Variants in BCOR observed in about 807,000 individuals in gnomAD.
BCOR encodes the protein BCL-6 corepressor.
In BCOR, 10 loss-of-function variants were observed where a neutral mutation model predicts 86.7. That is an observed-to-expected ratio of 0.12 (90% CI 0.07 to 0.20). BCOR has a LOEUF of 0.20. BCOR is among the 10% of genes least tolerant of loss of function. The pLI is 1.00. For missense variants in BCOR, 1,259 were observed against 1,452.1 expected (o/e 0.87, Z 2.16); for synonymous variants, 611 against 609.0 (o/e 1.00, Z -0.05).
intron 14 of BCOR, among the ~76,000 whole-genome samples, chrX:40,053,204 G>A (rs1033099821): frequency 1.8e-5 from 2 of 112,092 alleles, no homozygotes; most frequent in Non-Finnish European, 3.8e-5. Flanking sequence ...TTTTGAGAAG[G>A]AAGGTGTTAC....
chrX:40,159,181 G>A (rs1259097178), intron 1 of BCOR, among the ~76,000 whole-genome samples: 1 of 112,267 alleles, frequency 8.9e-6, no homozygotes, highest in South Asian at 3.7e-4. Context: ...GAAAAATGAT[G>A]AAAGTTTATT....
intron 1 of BCOR, among the ~76,000 whole-genome samples, chrX:40,168,187 C>T (rs1193783930): frequency 8.8e-6 from 1 of 113,323 alleles, no homozygotes; most frequent in Non-Finnish European, 1.9e-5. Flanking sequence ...AGAGCTCCTC[C>T]AGACCCTTTC....
Position 40,073,545 on chromosome X carries a change from G to A in BCOR, c.1801C>T (p.Pro601Ser), listed in dbSNP as rs1379881009. ...TPSVIQHVGQPPATPAKHSSS... is the reference protein window; with the variant it reads ...TPSVIQHVGQSPATPAKHSSS... The stretch of plus-strand genomic sequence containing the variant: ...CTGTGCTTGGCAGGAGTGGCCGGGG[G>A]CTGGCCCACGTGCTGAATAACGGAT... The change falls in exon 4 of 15, where the codon CCC (proline) becomes TCC (serine). Residue 601 changes from proline to serine, a missense_variant. Physicochemically the swap from Pro to Ser is moderately conservative, Grantham distance 74. Transcript: ENST00000378444. 8.2e-7 allele frequency: 1 copy of A among 1,212,230 alleles called. No homozygotes were observed. The highest frequency in any genetic ancestry group is 3.0e-5 in the East Asian group (1 of 33,869).
chrX:40,139,468 T>TAATATATATAC lies in BCOR; in HGVS notation c.-41+37538_-41+37539insGTATATATATT, dbSNP rs1937832589. Among the ~76,000 whole-genome samples, 2 of 6,863 alleles carry TAATATATATAC rather than the reference T, an allele frequency of 2.9e-4. 1 individual carries two copies. The highest frequency in any genetic ancestry group is 0.014 in the South Asian group (2 of 148). 6.0% of individuals were successfully genotyped at this position (6,863 alleles called of 115,157 possible). A position where few individuals can be genotyped will look rare whatever the true frequency, so the allele number is the denominator to read the frequency against. On this transcript the variant is annotated intron_variant, in intron 1 of 14. Transcript: ENST00000342274. ...TATAATATATATACATATATATATA[T>TAATATATATAC]ATATATATATATATATATATATATA...
chrX:40,074,780 A>T lies in BCOR; in HGVS notation c.566T>A (p.Leu189Gln). ...LNINGASYLR[L>Q]PWVNPYMEGA... ...CTCCATGTAAGGATTGACCCAGGGC[A>T]GCCGCAGATAACTAGCACCATTGAT... Residue 189 changes from leucine (L) to glutamine (Q), a missense_variant, in exon 4 of 15, where the codon CTG becomes CAG. Leu to Gln is a moderately radical substitution (Grantham distance 113, BLOSUM62 -2). This residue lies in a region of BCOR where 174 missense variants were observed against 189.3 expected (regional missense o/e 0.92). Coordinates refer to ENST00000378444, the MANE Select transcript of BCOR (RefSeq NM_001123385.2). 1 of 1,211,979 alleles carries T rather than the reference A, an allele frequency of 8.3e-7. No individual in the cohort carries two copies. Among genetic ancestry groups the T allele is most frequent in the Non-Finnish European group, 1.1e-6 (1 of 895,569 alleles).
At chrX:40,146,393 G>A (rs1452467026) in intron 1 of BCOR, 2 of 111,579 alleles carry the variant, frequency 1.8e-5, no homozygotes, top group Non-Finnish European at 3.8e-5. Context: ...AGCGGGCGGG[G>A]GACAGTGTCC....
intron 8 of BCOR, 72 bp from the exon 9 acceptor site, chrX:40,063,143 T>A: frequency 1.2e-6 from 1 of 818,848 alleles, no homozygotes; most frequent in Non-Finnish European, 1.7e-6. Context: ...TACACAGTTG[T>A]AGCCAGTGCA....
intron 1 of BCOR, among the ~76,000 whole-genome samples, chrX:40,080,958 T>TGCACGCACGCACAC (rs1200910109): frequency 1.3e-5 from 1 of 79,605 alleles, no homozygotes; most frequent in Non-Finnish European, 2.4e-5. Context: ...CGCACACACG[T>TGCACGCACGCACAC]GCACGCACGC....
chrX:40,174,288 G>C (rs1302532812), intron 1 of BCOR, among the ~76,000 whole-genome samples: 1 of 112,049 alleles, frequency 8.9e-6, no homozygotes, highest in Non-Finnish European at 1.9e-5. Context: ...GGCGCCTCCA[G>C]GTTTGCTTCT....
rs1335218784 is a variant in BCOR at position 40,054,155 on chromosome X, G to A, written c.4819+101C>T. 3.7e-6 allele frequency: 4 copies of A among 1,087,654 alleles called. No individual in the cohort carries two copies. The African/African-American group carries it at 7.3e-5, about 20-fold the overall frequency. 89.6% of individuals were successfully genotyped at this position (1,087,654 alleles called of 1,213,427 possible). A position where few individuals can be genotyped will look rare whatever the true frequency, so the allele number is the denominator to read the frequency against. ...CAAGATTCTTTCCCAAGTGAGTCCTGCTTCCAGTGCCCACCATCCACTTTC... is the reference window on the plus strand; with the variant it reads ...CAAGATTCTTTCCCAAGTGAGTCCTACTTCCAGTGCCCACCATCCACTTTC... On this transcript the variant is annotated intron_variant, in intron 13 of 14. Transcript: ENST00000378444.
intron 1 of BCOR, among the ~76,000 whole-genome samples, chrX:40,082,292 G>A (rs1426443215): frequency 2.9e-5 from 3 of 104,971 alleles, no homozygotes; most frequent in South Asian, 4.4e-4. Context: ...CCCTTGAGGC[G>A]CCGATCAGTT....
chrX:40,072,234 G>A, intron 4 of BCOR, 115 bp downstream of exon 4: 2 of 786,508 alleles, frequency 2.5e-6, no homozygotes, highest in Non-Finnish European at 3.7e-6. Flanking sequence ...ATTACCACAA[G>A]CTTCATTCAC....
chrX:40,148,315 C>A (rs1938104024), intron 1 of BCOR, among the ~76,000 whole-genome samples: 1 of 111,814 alleles, frequency 8.9e-6, no homozygotes. Context: ...CCCACCCCCG[C>A]GGGCTCCGCA....
At position 40,074,413 on chromosome X, in the gene BCOR, C is replaced by T; in HGVS notation, c.933G>A (p.Lys311=). 1 of 1,209,754 alleles carries T rather than the reference C, an allele frequency of 8.3e-7. No homozygotes were observed. The highest frequency in any genetic ancestry group is 1.1e-6 in the Non-Finnish European group (1 of 894,413). Residue 311 remains lysine, a synonymous_variant, in exon 4 of 15, where the codon AAG becomes AAA. Coordinates refer to ENST00000378444, the MANE Select transcript of BCOR (RefSeq NM_001123385.2). The part of the protein sequence containing the change: ...SHAYPHIQNS[K]QPRVPSAKAV... ...CCTTGGCAGAGGGAACCCTGGGCTGCTTACTGTTCTGGATGTGAGGATAGG... is the reference window on the plus strand; with the variant it reads ...CCTTGGCAGAGGGAACCCTGGGCTGTTTACTGTTCTGGATGTGAGGATAGG...
rs199795707 is a variant in BCOR at position 40,063,055 on chromosome X, G to A, written c.3864C>T (p.Ser1288=). The part of the protein sequence containing the change: ...SDNEQGLPVF[S]GSPPMKSLSS... ...AAAGACTCTTCATGGGCGGAGAGCC[G>A]GAGAACACAGGCAAGCCTAAATACG... The change falls in exon 9 of 15, where the codon TCC becomes TCT. Residue 1288 remains serine (S), a synonymous_variant. Coordinates refer to ENST00000378444, the MANE Select transcript of BCOR (RefSeq NM_001123385.2). The A allele has an allele frequency of 1.7e-5, 19 of 1,148,319 alleles. No homozygotes were observed. In the East Asian group the frequency reaches 2.8e-4, roughly 17 times the overall value. The allele number at this position is 1,148,319 out of a possible 1,213,427, so 94.6% of individuals were successfully genotyped here.
intron 1 of BCOR, among the ~76,000 whole-genome samples, chrX:40,094,100 G>A (rs1363529568): frequency 9.0e-6 from 1 of 111,025 alleles, no homozygotes; most frequent in Non-Finnish European, 1.9e-5. Context: ...TAGGCTCTTT[G>A]CCCCCCTTTC....
chrX:40,150,273 G>A (rs1248006571), intron 1 of BCOR, among the ~76,000 whole-genome samples: 4 of 112,300 alleles, frequency 3.6e-5, no homozygotes, highest in African/African-American at 1.3e-4. Context: ...CTGACAGTGG[G>A]AAACACACTT....
chrX:40,136,821 A>T (rs1451621164), intron 1 of BCOR, among the ~76,000 whole-genome samples: 1 of 112,295 alleles, frequency 8.9e-6, no homozygotes, highest in Middle Eastern at 4.2e-3. Flanking sequence ...AACATTTTGT[A>T]GAACAAAATA....
At chrX:40,061,872 A>G (rs1206217332) in intron 10 of BCOR, among the ~76,000 whole-genome samples, 4 of 111,668 alleles carry the variant, frequency 3.6e-5, no homozygotes, top group African/African-American at 1.3e-4. Flanking sequence ...GAGATAAGTT[A>G]GCGAGACTGG....
Sources: gnomAD v4.1 joint callset for allele counts (sites outside exome capture counted in the v4.1 genomes callset) on GRCh38, gnomAD v4.1.1 for gene constraint, gnomAD v4.1.1 regional missense constraint, MANE v1.5 for transcripts, NCBI Gene and HGNC (gene_info 2026-07-23, HGNC 2026-07-21) for gene names.